Variants in INTS7 observed in about 807,000 individuals in gnomAD.
INTS7 encodes the protein integrator complex subunit 7.
In INTS7, 46 loss-of-function variants were observed where a neutral mutation model predicts 109.2. The observed-to-expected ratio is 0.42, with a 90% CI of 0.33 to 0.54. INTS7 has a LOEUF of 0.54. INTS7 is among the 20% of genes least tolerant of loss of function. INTS7 has a pLI of 0.07. For missense variants in INTS7, 929 were observed against 1,132.4 expected (o/e 0.82, Z 2.58); for synonymous variants, 412 against 402.9 (o/e 1.02, Z -0.27).
intron 17 of INTS7, among the ~76,000 whole-genome samples, chr1:211,947,670 C>T (rs887847473): frequency 3.3e-5 from 5 of 152,126 alleles, no homozygotes; most frequent in Admixed American, 6.5e-5. Flanking sequence ...GGGTCCCAGC[C>T]GCTTACAGGC....
chr1:211,968,469 C>T (rs1356716920), intron 14 of INTS7, 44 bp downstream of exon 14: 1 of 1,525,866 alleles, frequency 6.6e-7, no homozygotes. Context: ...ACTTCGAAAA[C>T]CTCTAAAGTG....
chr1:211,941,792 T>C lies in INTS7; in HGVS notation c.*32A>G, dbSNP rs760462030. 1.9e-6 allele frequency: 3 copies of C among 1,598,506 alleles called. No individual in the cohort carries two copies. The highest frequency in any genetic ancestry group is 2.2e-5 in the East Asian group (1 of 44,710). On this transcript the variant is annotated 3_prime_UTR_variant, in exon 20 of 20. Coordinates refer to ENST00000366994, the MANE Select transcript of INTS7 (RefSeq NM_015434.4). ...ACTGTTTCTGGCAATTTGATTGATC[T>C]CTTGAGAGTCTGCAGTGCATTCATT...
chr1:211,981,071 C>CTTTTTTT, intron 10 of INTS7, 22 bp downstream of exon 10: 1 of 1,463,886 alleles, frequency 6.8e-7, no homozygotes, highest in Non-Finnish European at 9.6e-7. Flanking sequence ...TCTATTACAA[C>CTTTTTTT]TTAATAAATA....
chr1:211,968,712 G>T lies in INTS7; in HGVS notation c.1816-5C>A. ...ATTCAGTGGTGTACTAGCTGCCTGG[G>T]AAAAAAAAAAAAAAGAGATATTTAA... On this transcript the variant is annotated splice_region_variant and splice_polypyrimidine_tract_variant and intron_variant, in intron 13 of 19. Transcript: ENST00000366994. 1 of 1,384,692 alleles carries T rather than the reference G, an allele frequency of 7.2e-7. No individual in the cohort carries two copies. The highest frequency in any genetic ancestry group is 9.8e-7 in the Non-Finnish European group (1 of 1,015,954). The allele number at this position is 1,384,692 out of a possible 1,614,324, so 85.8% of individuals were successfully genotyped here. A position where few individuals can be genotyped will look rare whatever the true frequency, so the allele number is the denominator to read the frequency against.
intron 7 of INTS7, among the ~76,000 whole-genome samples, chr1:211,999,254 C>T (rs762702175): frequency 1.3e-5 from 2 of 152,142 alleles, no homozygotes; most frequent in African/African-American, 2.4e-5. Flanking sequence ...AATTGTTGTA[C>T]GCCCATGTAT....
At chr1:211,975,406 A>C in intron 12 of INTS7, 34 bp from the exon 13 acceptor site, 1 of 1,524,594 alleles carries the variant, frequency 6.6e-7, no homozygotes, top group African/African-American at 1.4e-5. Flanking sequence ...AAAAGAATAG[A>C]AGGAGCACAC....
chr1:211,962,409 A>G (rs897304383), intron 16 of INTS7, among the ~76,000 whole-genome samples: 1 of 152,180 alleles, frequency 6.6e-6, no homozygotes, highest in African/African-American at 2.4e-5. Context: ...CTTCAAAGAG[A>G]CTTAGACTCC....
chr1:211,980,144 C>T (rs1345664412), intron 10 of INTS7, among the ~76,000 whole-genome samples: 1 of 152,184 alleles, frequency 6.6e-6, no homozygotes, highest in East Asian at 1.9e-4. Context: ...GAGGATCCCC[C>T]TCAGAATGTG....
At chr1:211,975,662 A>C (rs1307663813) in intron 12 of INTS7, among the ~76,000 whole-genome samples, 1 of 152,230 alleles carries the variant, frequency 6.6e-6, no homozygotes, top group Non-Finnish European at 1.5e-5. Context: ...TTAGCCCAAA[A>C]TACAGGAAGT....
At chr1:212,033,722 C>A (rs546431808) in intron 1 of INTS7, among the ~76,000 whole-genome samples, 5 of 152,250 alleles carry the variant, frequency 3.3e-5, no homozygotes, top group South Asian at 4.1e-4. Context: ...AGATATTATC[C>A]TGACCTGTAA....
intron 7 of INTS7, among the ~76,000 whole-genome samples, chr1:212,005,039 T>C (rs1665842282): frequency 6.6e-6 from 1 of 152,224 alleles, no homozygotes; most frequent in Non-Finnish European, 1.5e-5. Context: ...TTCCCAGGTA[T>C]ACACTCTAAA....
intron 1 of INTS7, among the ~76,000 whole-genome samples, chr1:212,031,721 T>C (rs543495455): frequency 6.6e-6 from 1 of 152,240 alleles, no homozygotes; most frequent in Non-Finnish European, 1.5e-5. Context: ...AATGAATGGC[T>C]ATCACATGAA....
intron 13 of INTS7, among the ~76,000 whole-genome samples, chr1:211,972,051 G>A (rs915669198): frequency 2.0e-5 from 3 of 152,016 alleles, no homozygotes; most frequent in African/African-American, 4.8e-5. Flanking sequence ...AAATGTGGAG[G>A]TGCACATAAG....
At chr1:211,988,421 C>CA (rs538221379) in intron 7 of INTS7, among the ~76,000 whole-genome samples, 9,299 of 112,904 alleles carry the variant, frequency 0.082, 474 homozygotes, top group African/African-American at 0.17. Flanking sequence ...GACCCTGTCT[C>CA]AAAAAAAAAA....
intron 13 of INTS7, among the ~76,000 whole-genome samples, chr1:211,972,242 A>G (rs953508237): frequency 1.8e-4 from 28 of 151,494 alleles, no homozygotes; most frequent in African/African-American, 6.8e-4. Context: ...TGCCTATTCA[A>G]TATTTAATAA....
chr1:212,032,652 ATTTTG>A (rs1345620949), intron 1 of INTS7, among the ~76,000 whole-genome samples: 1 of 151,674 alleles, frequency 6.6e-6, no homozygotes. Flanking sequence ...AATTTTTTGT[ATTTTG>A]TTTAGTAGAG....
At chr1:212,006,109 T>C (rs1665899713) in intron 7 of INTS7, among the ~76,000 whole-genome samples, 1 of 152,142 alleles carries the variant, frequency 6.6e-6, no homozygotes, top group South Asian at 2.1e-4. Context: ...AAAATAAACA[T>C]AAAATATTAA....
chr1:211,950,306 T>C (rs1571840291), intron 17 of INTS7, among the ~76,000 whole-genome samples: 1 of 152,178 alleles, frequency 6.6e-6, no homozygotes, highest in East Asian at 1.9e-4. Context: ...AGTTTCACTC[T>C]TGTCACCCAG....
At chr1:212,009,559 A>G (rs1666076841) in intron 5 of INTS7, among the ~76,000 whole-genome samples, 1 of 152,188 alleles carries the variant, frequency 6.6e-6, no homozygotes, top group African/African-American at 2.4e-5. Context: ...TCCTGACATG[A>G]TACCAATTTT....
Sources: allele counts gnomAD v4.1 joint callset (sites outside exome capture counted in the v4.1 genomes callset), GRCh38; gene constraint gnomAD v4.1.1; transcripts MANE v1.5; gene names NCBI Gene and HGNC (gene_info 2026-07-23, HGNC 2026-07-21).